The following CMIP variants were observed in gnomAD, a reference collection of about 807,000 sequenced individuals.
The protein encoded by CMIP is c-Maf inducing protein.
Under a neutral mutation model 97.3 loss-of-function variants are expected in CMIP, and 13 were observed. The observed-to-expected ratio is 0.13, with a 90% CI of 0.09 to 0.21. CMIP has a LOEUF of 0.21. Among genes scored for constraint, CMIP ranks in the 10% least tolerant of loss-of-function variants. CMIP has a pLI of 1.00. For synonymous variants in CMIP, 538 were observed against 436.3 expected, an observed-to-expected ratio of 1.23 and a Z score of -2.91; for missense variants, 847 against 1,024.9, an observed-to-expected ratio of 0.83 and a Z score of 2.37.
chr16:81,658,704 C>T (rs866368642), intron 5 of CMIP, among the ~76,000 whole-genome samples: 14 of 152,204 alleles, frequency 9.2e-5, no homozygotes, highest in African/African-American at 3.4e-4. Flanking sequence ...GAGCATAAAG[C>T]ATAAGGAAAT....
At position 81,702,681 on chromosome 16, in the gene CMIP, T is replaced by A; in HGVS notation, c.1944+12T>A. On this transcript the variant is annotated intron_variant, in intron 17 of 20. Coordinates refer to ENST00000537098, the MANE Select transcript of CMIP (RefSeq NM_198390.3). ...CCTCCAAGTCCACAGTGAGTTGGTT[T>A]GGTTCTCTTTGGGGCTGGATGGAGA... The A allele has an allele frequency of 6.2e-7, 1 of 1,611,846 alleles. No individual in the cohort carries two copies. The highest frequency in any genetic ancestry group is 8.5e-7 in the Non-Finnish European group (1 of 1,178,556).
intron 1 of CMIP, among the ~76,000 whole-genome samples, chr16:81,533,199 A>T (rs1025381938): frequency 1.3e-5 from 2 of 152,136 alleles, no homozygotes; most frequent in African/African-American, 4.8e-5. Context: ...TTTGTTTATT[A>T]TTCCATCCCA....
At chr16:81,558,154 CTG>C (rs906635986) in intron 1 of CMIP, among the ~76,000 whole-genome samples, 2 of 152,300 alleles carry the variant, frequency 1.3e-5, no homozygotes, top group African/African-American at 4.8e-5. Flanking sequence ...ATTCCATTGT[CTG>C]TGTATGCTGC....
rs115477497 is a variant in CMIP, at chr16:81,509,250, C to A, written c.300+63709C>A. 6.2e-3 allele frequency among the ~76,000 whole-genome samples: 951 copies of A among 152,258 alleles called. 14 individuals carry two copies. Among genetic ancestry groups the A allele is most frequent in the African/African-American group, 0.022 (900 of 41,532 alleles). ...TCTTTAGCTCCATCCTATAGATGCG[C>A]AAGCAGGTGCAGAGAGATGTGGCAT... On this transcript the variant is annotated intron_variant, in intron 1 of 20. Coordinates refer to ENST00000537098, the MANE Select transcript of CMIP (RefSeq NM_198390.3).
chr16:81,667,419 T>C (rs62043839), intron 7 of CMIP: 31,293 of 152,150 alleles, frequency 0.21, 3,558 homozygotes, highest in Non-Finnish European at 0.25. Context: ...GACACGGCTG[T>C]GGTCCCCAGT....
intron 1 of CMIP, among the ~76,000 whole-genome samples, chr16:81,542,538 T>A (rs2090467930): frequency 6.6e-6 from 1 of 152,170 alleles, no homozygotes; most frequent in Non-Finnish European, 1.5e-5. Flanking sequence ...GGTCGTATTC[T>A]CCATCTGTGT....
intron 1 of CMIP, among the ~76,000 whole-genome samples, chr16:81,450,059 G>C (rs1425798280): frequency 6.6e-6 from 1 of 152,208 alleles, no homozygotes. Context: ...TGGCGGCCCT[G>C]CCTGCTCCTT....
At chr16:81,706,270 C>T (rs532692189) in intron 19 of CMIP, among the ~76,000 whole-genome samples, 10 of 152,294 alleles carry the variant, frequency 6.6e-5, no homozygotes, top group African/African-American at 2.2e-4. Flanking sequence ...GAAAAGGCTT[C>T]CCGGGGAGGT....
intron 1 of CMIP, among the ~76,000 whole-genome samples, chr16:81,562,912 T>C (rs752562533): frequency 3.3e-5 from 5 of 152,202 alleles, no homozygotes; most frequent in Admixed American, 2.0e-4. Context: ...GCCCTTGCCC[T>C]TGTCTGCTGG....
chr16:81,502,893 A>G (rs115307831), intron 1 of CMIP, among the ~76,000 whole-genome samples: 22 of 152,320 alleles, frequency 1.4e-4, no homozygotes, highest in African/African-American at 5.3e-4. Flanking sequence ...GTGCGGAGCC[A>G]CTGCTGTCCC....
chr16:81,484,755 G>T (rs749232105), intron 1 of CMIP, among the ~76,000 whole-genome samples: 5 of 152,154 alleles, frequency 3.3e-5, no homozygotes, highest in Non-Finnish European at 2.9e-5. Context: ...GATGCCAGGT[G>T]GGCTTCTGAA....
chr16:81,445,391 G>A lies in CMIP; in HGVS notation c.150G>A (p.Met50Ile). 6.2e-7 allele frequency: 1 copy of A among 1,605,816 alleles called. No homozygotes were observed. Among genetic ancestry groups the A allele is most frequent in the Non-Finnish European group, 8.5e-7 (1 of 1,176,382 alleles). Residue 50 changes from methionine (M) to isoleucine (I), a missense_variant, in exon 1 of 21, where the codon ATG becomes ATA. Physicochemically the swap from Met to Ile is conservative, Grantham distance 10 (BLOSUM62 1). This residue lies in a region of CMIP where 94 missense variants were observed against 79.9 expected (regional missense o/e 1.18). Transcript: ENST00000537098. ...CRRALLLCNG[M>I]RYKLLQEGDI... The stretch of plus-strand genomic sequence containing the variant: ...GGGCTCTTCTGCTTTGCAACGGGAT[G>A]AGGTACAAACTGCTGCAGGAGGGCG...
chr16:81,673,151 G>T lies in CMIP; in HGVS notation c.1034+1081G>T, dbSNP rs145789839. On this transcript the variant is annotated intron_variant, in intron 9 of 20. Coordinates refer to ENST00000537098, the MANE Select transcript of CMIP (RefSeq NM_198390.3). ...CAAGACCAGGATTTGGGTGGAAGTGGCTTCCTAGGAAGGTGGTCCCAGGAA... is the reference window on the plus strand; with the variant it reads ...CAAGACCAGGATTTGGGTGGAAGTGTCTTCCTAGGAAGGTGGTCCCAGGAA... Among the ~76,000 whole-genome samples, 331 of 152,236 alleles carry T rather than the reference G, an allele frequency of 2.2e-3. 2 individuals carry two copies. Among genetic ancestry groups the T allele is most frequent in the Non-Finnish European group, 1.9e-3 (128 of 67,978 alleles).
intron 1 of CMIP, among the ~76,000 whole-genome samples, chr16:81,562,410 C>T (rs921533416): frequency 2.6e-5 from 4 of 152,248 alleles, no homozygotes; most frequent in African/African-American, 9.6e-5. Flanking sequence ...ATCCCAGAAA[C>T]CACTGGCAAG....
chr16:81,568,039 G>GTGTGTGT (rs10629229), intron 1 of CMIP, among the ~76,000 whole-genome samples: 1,109 of 82,564 alleles, frequency 0.013, 13 homozygotes, highest in South Asian at 0.071. Flanking sequence ...GTGTGTGTGT[G>GTGTGTGT]TTTTTTTTTT....
At chr16:81,706,590 G>A (rs568759443) in intron 19 of CMIP, among the ~76,000 whole-genome samples, 7 of 152,340 alleles carry the variant, frequency 4.6e-5, no homozygotes, top group Non-Finnish European at 8.8e-5. Context: ...CCCCCCGTGC[G>A]ACTCCAACAC....
intron 13 of CMIP, chr16:81,696,246 C>G: frequency 2.2e-6 from 1 of 447,888 alleles, no homozygotes; most frequent in East Asian, 4.6e-5. Flanking sequence ...GGCGGTTGCT[C>G]TGGGCATCTC....
At chr16:81,499,018 C>T (rs1317102160) in intron 1 of CMIP, among the ~76,000 whole-genome samples, 3 of 152,278 alleles carry the variant, frequency 2.0e-5, no homozygotes, top group African/African-American at 7.2e-5. Flanking sequence ...CCTATCAACA[C>T]TAGGAGGTAG....
intron 1 of CMIP, among the ~76,000 whole-genome samples, chr16:81,449,661 C>G (rs940001267): frequency 1.6e-5 from 2 of 122,052 alleles, no homozygotes; most frequent in African/African-American, 3.7e-5. Flanking sequence ...GCAGTAAACA[C>G]ACAGATTTCC....
Sources: allele counts gnomAD v4.1 joint callset (sites outside exome capture counted in the v4.1 genomes callset), GRCh38; gene constraint gnomAD v4.1.1; regional missense constraint gnomAD v4.1.1; transcripts MANE v1.5; gene names NCBI Gene and HGNC (gene_info 2026-07-23, HGNC 2026-07-21).